Variants in ASXL1 observed in about 807,000 individuals in gnomAD.
The protein encoded by ASXL1 is ASXL transcriptional regulator 1, also known as polycomb group protein ASXL1.
Under a neutral mutation model 89.1 loss-of-function variants are expected in ASXL1, and 65 were observed. That is an observed-to-expected ratio of 0.73 (90% CI 0.60 to 0.90). The LOEUF (loss-of-function observed/expected upper bound fraction) is 0.90, where lower values mean the gene tolerates loss of function less well. Among genes scored for constraint, ASXL1 ranks in the 40% least tolerant of loss-of-function variants. The probability of loss-of-function intolerance (pLI) is 0.00; values close to 1 mark genes in which losing one functional copy is unlikely to be tolerated. For synonymous variants in ASXL1, 739 were observed against 746.9 expected, an observed-to-expected ratio of 0.99 and a Z score of 0.17; for missense variants, 1,786 against 1,942.9, an observed-to-expected ratio of 0.92 and a Z score of 1.52.
rs201649676 is a variant in ASXL1 at position 32,434,640 on chromosome 20, G to A, written c.1928G>A (p.Gly643Glu). 3.7e-6 allele frequency: 6 copies of A among 1,607,432 alleles called. No homozygotes were observed. In the African/African-American group the frequency reaches 4.0e-5, roughly 11 times the overall value. The change falls in exon 13 of 13, where the codon GGG becomes GAG. Residue 643 changes from glycine (G) to glutamate (E), a missense_variant. This residue lies in a region of ASXL1 where 1,418 missense variants were observed against 1,427.8 expected (regional missense o/e 0.99). Coordinates refer to ENST00000375687, the MANE Select transcript of ASXL1 (RefSeq NM_015338.6). ...GAGGCGGCCACCACTGCCATCGGAG[G>A]GGGGGGTGGCCCGGGTGGAGGTGGC... ...HREAATTAIG[G>E]GGGPGGGGGG...
chr20:32,413,736 T>A (rs1451841641), intron 4 of ASXL1, among the ~76,000 whole-genome samples: 1 of 152,220 alleles, frequency 6.6e-6, no homozygotes, highest in African/African-American at 2.4e-5. Flanking sequence ...ATGTGGCTGT[T>A]TTCCTCGGAC....
At chr20:32,360,682 CTT>C (rs1250407487) in intron 1 of ASXL1, 1 of 159,824 alleles carries the variant, frequency 6.3e-6, no homozygotes, top group Non-Finnish European at 1.4e-5. Flanking sequence ...TACTAGTTGA[CTT>C]TAGGAATTTG....
At chr20:32,375,919 G>T (rs1193234528) in intron 4 of ASXL1, among the ~76,000 whole-genome samples, 1 of 152,016 alleles carries the variant, frequency 6.6e-6, no homozygotes, top group East Asian at 1.9e-4. Context: ...TGGACTCGAA[G>T]CAATCCTCCC....
At position 32,435,791 on chromosome 20, in the gene ASXL1, T is replaced by C; in HGVS notation, c.3079T>C (p.Ser1027Pro). 6.2e-7 allele frequency: 1 copy of C among 1,614,034 alleles called. No homozygotes were observed. Among genetic ancestry groups the C allele is most frequent in the South Asian group, 1.1e-5 (1 of 91,074 alleles). Residue 1027 changes from serine to proline, a missense_variant, in exon 13 of 13, where the codon TCT becomes CCT. Coordinates refer to ENST00000375687, the MANE Select transcript of ASXL1 (RefSeq NM_015338.6). ...TAGAGAAGCTGCAGTGACAAAGGGA[T>C]CTTCGGTGGACAAGGATGAGAAACC... ...DTREAAVTKG[S>P]SVDKDEKPNW...
At chr20:32,432,722 C>A in intron 10 of ASXL1, 158 bp from the exon 11 acceptor site, 1 of 864,784 alleles carries the variant, frequency 1.2e-6, no homozygotes, top group Non-Finnish European at 1.8e-6. Flanking sequence ...GAGTGAATTT[C>A]CCTTATAGTA....
chr20:32,422,883 C>G (rs1335647681), intron 4 of ASXL1, among the ~76,000 whole-genome samples: 1 of 151,970 alleles, frequency 6.6e-6, no homozygotes, highest in Non-Finnish European at 1.5e-5. Context: ...CCGTGCCCGG[C>G]CTATAGAATT....
chr20:32,435,412 CA>C lies in ASXL1; in HGVS notation c.2701del (p.Ile901SerfsTer7). On this transcript the variant is annotated frameshift_variant, in exon 13 of 13. Transcript: ENST00000375687. LOFTEE classifies it low-confidence loss of function (END_TRUNC). ...VSNSSLHWIP[I>X]PSNDEVVKQP... ...CTAACAGTTCTTTGCATTGGATACC[CA>C]TCCCATCGAATGATGAGGTAGTGAA... is the stretch of plus-strand genomic sequence containing the variant. 6.2e-7 allele frequency: 1 copy of C among 1,614,152 alleles called. No individual in the cohort carries two copies. Among genetic ancestry groups the C allele is most frequent in the Non-Finnish European group, 8.5e-7 (1 of 1,180,030 alleles).
At chr20:32,393,769 T>C (rs2048713877) in intron 4 of ASXL1, among the ~76,000 whole-genome samples, 1 of 151,710 alleles carries the variant, frequency 6.6e-6, no homozygotes, top group Non-Finnish European at 1.5e-5. Flanking sequence ...TGCGGCTGGA[T>C]GTTTACTGAT....
intron 4 of ASXL1, among the ~76,000 whole-genome samples, chr20:32,404,611 C>T (rs1002655930): frequency 3.2e-4 from 49 of 152,252 alleles, no homozygotes; most frequent in African/African-American, 1.1e-3. Context: ...ATATTCCTTT[C>T]TGATATGTGT....
chr20:32,372,867 A>G (rs1462030825), intron 4 of ASXL1, among the ~76,000 whole-genome samples: 1 of 150,604 alleles, frequency 6.6e-6, no homozygotes, highest in Non-Finnish European at 1.5e-5. Context: ...TGCTGGGATT[A>G]CAGGTGTGAG....
intron 4 of ASXL1, among the ~76,000 whole-genome samples, chr20:32,424,073 T>G (rs1016073489): frequency 1.3e-5 from 2 of 152,226 alleles, no homozygotes; most frequent in Non-Finnish European, 2.9e-5. Flanking sequence ...AGTACTTGGT[T>G]TCCCCAGACT....
chr20:32,433,442 A>G lies in ASXL1; in HGVS notation c.1244A>G (p.Asp415Gly). The G allele has an allele frequency of 6.2e-7, 1 of 1,614,174 alleles. No homozygotes were observed. Among genetic ancestry groups the G allele is most frequent in the South Asian group, 1.1e-5 (1 of 91,076 alleles). The change falls in exon 12 of 13, where the codon GAT becomes GGT. Residue 415 changes from aspartate (D) to glycine (G), a missense_variant. Asp to Gly is a moderately conservative substitution (Grantham distance 94). Coordinates refer to ENST00000375687, the MANE Select transcript of ASXL1 (RefSeq NM_015338.6). ...CATTTTAAGAAACGCTCTCGGCCAGATCTCCGAACCAGAGCCAGAAGGAAT... is the reference window on the plus strand; with the variant it reads ...CATTTTAAGAAACGCTCTCGGCCAGGTCTCCGAACCAGAGCCAGAAGGAAT... ...DGHFKKRSRP[D>G]LRTRARRNLY...
intron 4 of ASXL1, among the ~76,000 whole-genome samples, chr20:32,374,836 G>A (rs2048351266): frequency 6.6e-6 from 1 of 151,862 alleles, no homozygotes; most frequent in Non-Finnish European, 1.5e-5. Context: ...AATCCAAGGT[G>A]GTGTTAAATA....
At position 32,438,434 on chromosome 20, in the gene ASXL1, A is replaced by G. The variant is rs1226719488; in HGVS notation, c.*1096A>G. The stretch of plus-strand genomic sequence containing the variant: ...CTTCTCTACATCTGTTGTCAGAGCC[A>G]CTGAGTGCTGTGCTGCTCGACGTGA... On this transcript the variant is annotated 3_prime_UTR_variant, in exon 13 of 13. Coordinates refer to ENST00000375687, the MANE Select transcript of ASXL1 (RefSeq NM_015338.6). The G allele has an allele frequency of 4.3e-6, 1 of 233,498 alleles. No homozygotes were observed. The highest frequency in any genetic ancestry group is 2.2e-5 in the African/African-American group (1 of 45,332). The allele number at this position is 233,498 out of a possible 1,614,324, so 14.5% of individuals were successfully genotyped here. A position where few individuals can be genotyped will look rare whatever the true frequency, so the allele number is the denominator to read the frequency against.
intron 4 of ASXL1, among the ~76,000 whole-genome samples, chr20:32,426,554 C>CTTTTTT (rs1177815042): frequency 2.6e-4 from 22 of 83,950 alleles, no homozygotes; most frequent in African/African-American, 1.0e-3. Context: ...TTTTTTCTTT[C>CTTTTTT]TTTTTTTTTT....
intron 4 of ASXL1, among the ~76,000 whole-genome samples, chr20:32,377,061 T>C (rs1479575658): frequency 1.4e-5 from 2 of 141,200 alleles, no homozygotes; most frequent in Admixed American, 7.6e-5. Flanking sequence ...AATATGTCTA[T>C]TATATATTAT....
chr20:32,411,874 T>C (rs62206928), intron 4 of ASXL1, among the ~76,000 whole-genome samples: 2,859 of 152,258 alleles, frequency 0.019, 88 homozygotes, highest in Admixed American at 0.084. Context: ...TGAGTTATAA[T>C]CTTACTATCA....
chr20:32,423,223 A>AT lies in ASXL1; in HGVS notation c.253-4894dup, dbSNP rs1262546761. On this transcript the variant is annotated intron_variant, in intron 4 of 12. Transcript: ENST00000375687. ...AGGATCGCTTGAGTCCAGGAGTTTG[A>AT]TTTTTTTTTTTAATTTTTTATTTTT... is the stretch of plus-strand genomic sequence containing the variant. Among the ~76,000 whole-genome samples the AT allele has an allele frequency of 1.2e-3, 180 of 147,888 alleles. 3 individuals carry two copies. In the East Asian group the frequency reaches 0.027, roughly 22 times the overall value.
At position 32,358,581 on chromosome 20, in the gene ASXL1, C is replaced by T. The variant is rs2048051091; in HGVS notation, c.-195C>T. On this transcript the variant is annotated 5_prime_UTR_variant, in exon 1 of 13. Transcript: ENST00000375687. ...GCGGGCGCGTGGAGCCGCCGCCGCC[C>T]CTCCCCCACCGCCGCTCTCGCGCCA... The T allele has an allele frequency of 1.0e-5, 2 of 196,424 alleles. No individual in the cohort carries two copies. The highest frequency in any genetic ancestry group is 2.1e-5 in the Non-Finnish European group (2 of 96,036). The allele number at this position is 196,424 out of a possible 1,614,324, so 12.2% of individuals were successfully genotyped here.
Sources: gnomAD v4.1 joint callset for allele counts (sites outside exome capture counted in the v4.1 genomes callset) on GRCh38, gnomAD v4.1.1 for gene constraint, gnomAD v4.1.1 regional missense constraint, MANE v1.5 for transcripts, NCBI Gene and HGNC (gene_info 2026-07-23, HGNC 2026-07-21) for gene names.